PTPRT: variants seen among roughly 807,000 people sequenced by gnomAD.
The protein encoded by PTPRT is receptor-type tyrosine-protein phosphatase T.
Under a neutral mutation model 176.8 loss-of-function variants are expected in PTPRT, and 56 were observed. That is an observed-to-expected ratio of 0.32 (90% CI 0.26 to 0.40). The LOEUF (loss-of-function observed/expected upper bound fraction) is 0.40. PTPRT is among the 10% of genes least tolerant of loss of function. The pLI is 1.00. For missense variants in PTPRT, 1,540 were observed against 1,908.2 expected (o/e 0.81, Z 3.60); for synonymous variants, 783 against 739.0 (o/e 1.06, Z -0.96).
At chr20:42,657,539 G>A (rs6030397) in intron 7 of PTPRT, among the ~76,000 whole-genome samples, 1 of 152,068 alleles carries the variant, frequency 6.6e-6, no homozygotes, top group Non-Finnish European at 1.5e-5. Flanking sequence ...GCTTTATCTA[G>A]GTTGATGGCA....
At chr20:42,913,509 C>T (rs1201512493) in intron 1 of PTPRT, among the ~76,000 whole-genome samples, 1 of 152,102 alleles carries the variant, frequency 6.6e-6, no homozygotes, top group Non-Finnish European at 1.5e-5. Context: ...AGGGTCCACC[C>T]TAAGGACCTC....
intron 16 of PTPRT, among the ~76,000 whole-genome samples, chr20:42,172,223 G>C (rs1990107689): frequency 6.6e-6 from 1 of 151,900 alleles, no homozygotes; most frequent in Admixed American, 6.6e-5. Context: ...ATGTATATAA[G>C]AACAGACATG....
chr20:42,800,443 G>A (rs1007505220), intron 2 of PTPRT, among the ~76,000 whole-genome samples: 2 of 152,204 alleles, frequency 1.3e-5, no homozygotes, highest in Non-Finnish European at 2.9e-5. Flanking sequence ...TAAGAGTAAA[G>A]AGAACAACAG....
Position 42,731,623 on chromosome 20 carries a change from A to T in PTPRT, c.859+24839T>A, listed in dbSNP as rs560139999. On this transcript the variant is annotated intron_variant, in intron 6 of 30. Transcript: ENST00000373187. ...GCTTGGGCAGCATGGTACAGCAGAA[A>T]AACTATGGAGCTAACAGCTAGGAGA... Among the ~76,000 whole-genome samples, 12 of 152,334 alleles carry T rather than the reference A, an allele frequency of 7.9e-5. No individual in the cohort carries two copies. The East Asian group carries it at 2.3e-3, about 29-fold the overall frequency.
At position 42,161,611 on chromosome 20, in the gene PTPRT, C is replaced by T; in HGVS notation, c.2492-69G>A. The T allele has an allele frequency of 3.3e-6, 5 of 1,499,548 alleles. No homozygotes were observed. In the South Asian group the frequency reaches 4.0e-5, roughly 12 times the overall value. The allele number at this position is 1,499,548 out of a possible 1,614,324, so 92.9% of individuals were successfully genotyped here. Reference sequence around the variant, plus strand: ...TTTGCCCTTTGTCCTCCCTGTCTCCCCCAGCTTGGCCTGAGGAGGGCAGAG... The same window carrying T: ...TTTGCCCTTTGTCCTCCCTGTCTCCTCCAGCTTGGCCTGAGGAGGGCAGAG... On this transcript the variant is annotated intron_variant, in intron 16 of 30. Coordinates refer to ENST00000373187, the MANE Select transcript of PTPRT (RefSeq NM_007050.6).
chr20:43,129,461 T>TG (rs2013568696), intron 1 of PTPRT, among the ~76,000 whole-genome samples: 1 of 152,124 alleles, frequency 6.6e-6, no homozygotes, highest in Non-Finnish European at 1.5e-5. Context: ...CCACACCCTT[T>TG]CTGAGCCCAC....
chr20:42,329,953 T>G (rs1010661015), intron 11 of PTPRT, among the ~76,000 whole-genome samples: 2 of 152,158 alleles, frequency 1.3e-5, no homozygotes, highest in Admixed American at 6.6e-5. Flanking sequence ...AAAATAGCTG[T>G]AGTATCATAT....
At chr20:43,125,126 G>C (rs918465001) in intron 1 of PTPRT, among the ~76,000 whole-genome samples, 10 of 150,662 alleles carry the variant, frequency 6.6e-5, no homozygotes, top group African/African-American at 2.4e-4. Flanking sequence ...CTCCCAAGTA[G>C]CTGGGATTAC....
rs772048989 is a variant in PTPRT, at chr20:42,106,925, G to A, written c.3255-4C>T. On this transcript the variant is annotated splice_polypyrimidine_tract_variant and splice_region_variant and intron_variant, in intron 23 of 30. Coordinates refer to ENST00000373187, the MANE Select transcript of PTPRT (RefSeq NM_007050.6). ...GCCAGTCCGCCCAGCCCCAGCACTG[G>A]AAGAGAGGTATGGTCTGTGTTAAGG... 8.7e-6 allele frequency: 14 copies of A among 1,613,962 alleles called. No individual in the cohort carries two copies. The South Asian group carries it at 1.3e-4, about 15-fold the overall frequency.
intron 1 of PTPRT, among the ~76,000 whole-genome samples, chr20:42,930,771 T>C (rs1014511054): frequency 6.6e-6 from 1 of 152,122 alleles, no homozygotes. Flanking sequence ...TGAGTCACCA[T>C]GCCCAGACCC....
At chr20:42,226,355 T>C (rs1004315369) in intron 15 of PTPRT, among the ~76,000 whole-genome samples, 4 of 152,220 alleles carry the variant, frequency 2.6e-5, no homozygotes, top group Non-Finnish European at 4.4e-5. Flanking sequence ...TATCTAAAAC[T>C]GTGGAGCCAG....
At chr20:42,260,014 G>C (rs946292202) in intron 13 of PTPRT, among the ~76,000 whole-genome samples, 1 of 152,220 alleles carries the variant, frequency 6.6e-6, no homozygotes, top group African/African-American at 2.4e-5. Context: ...ATAGCAAGGT[G>C]CTGAGCATGG....
chr20:42,165,267 C>T (rs1208903188), intron 16 of PTPRT, among the ~76,000 whole-genome samples: 1 of 152,110 alleles, frequency 6.6e-6, no homozygotes, highest in African/African-American at 2.4e-5. Context: ...ATTGCCACTC[C>T]AACTGGTTAA....
At chr20:42,831,720 T>A (rs1027608278) in intron 2 of PTPRT, among the ~76,000 whole-genome samples, 1 of 152,104 alleles carries the variant, frequency 6.6e-6, no homozygotes, top group African/African-American at 2.4e-5. Flanking sequence ...GCAAAGGACA[T>A]GAACAGACAC....
intron 7 of PTPRT, among the ~76,000 whole-genome samples, chr20:42,563,518 G>T (rs1308761131): frequency 6.6e-6 from 1 of 152,106 alleles, no homozygotes; most frequent in African/African-American, 2.4e-5. Context: ...CCAAGGAAAT[G>T]GTTGTATATA....
chr20:42,626,928 G>T (rs905954517), intron 7 of PTPRT, among the ~76,000 whole-genome samples: 4 of 152,194 alleles, frequency 2.6e-5, no homozygotes, highest in African/African-American at 9.6e-5. Flanking sequence ...GAATTCCCTG[G>T]ATGAGAACCA....
At chr20:42,423,488 C>T (rs960791550) in intron 9 of PTPRT, among the ~76,000 whole-genome samples, 3 of 152,194 alleles carry the variant, frequency 2.0e-5, no homozygotes, top group African/African-American at 7.2e-5. Flanking sequence ...GCCCAGGCCC[C>T]TCACTGGTCT....
chr20:42,518,361 G>A (rs1336938727), intron 7 of PTPRT, among the ~76,000 whole-genome samples: 1 of 151,542 alleles, frequency 6.6e-6, no homozygotes, highest in African/African-American at 2.4e-5. Context: ...AGATAATTTT[G>A]TATCTTTGTT....
Position 42,343,971 on chromosome 20 carries a change from C to T in PTPRT, c.1865+6657G>A, listed in dbSNP as rs560675688. On this transcript the variant is annotated intron_variant, in intron 11 of 30. Coordinates refer to ENST00000373187, the MANE Select transcript of PTPRT (RefSeq NM_007050.6). ...CTGGAGTGCAGTGGTGTGATCTCAG[C>T]TCACTGCAACCTCTGCCTACTGGGT... 2.4e-3 allele frequency among the ~76,000 whole-genome samples: 373 copies of T among 152,366 alleles called. 2 individuals are homozygous for T. Among genetic ancestry groups the T allele is most frequent in the Non-Finnish European group, 2.9e-3 (195 of 68,032 alleles).
Sources: gnomAD v4.1 joint callset for allele counts (sites outside exome capture counted in the v4.1 genomes callset) on GRCh38, gnomAD v4.1.1 for gene constraint, MANE v1.5 for transcripts, NCBI Gene and HGNC (gene_info 2026-07-23, HGNC 2026-07-21) for gene names.